The following CABLES1 variants were observed in gnomAD, a reference collection of about 807,000 sequenced individuals.
CABLES1 encodes the protein Cdk5 and Abl enzyme substrate 1, also known as CDK5 and ABL1 enzyme substrate 1.
A neutral mutation model predicts 57.8 loss-of-function variants in CABLES1; 36 were observed. That is an observed-to-expected ratio of 0.62 (90% CI 0.48 to 0.82). The LOEUF (loss-of-function observed/expected upper bound fraction) is 0.82. Ranked by LOEUF, CABLES1 falls within the 40% of genes least tolerant of loss-of-function variation. The pLI is 0.00. For synonymous variants in CABLES1, 374 were observed against 363.0 expected (o/e 1.03, Z -0.35); for missense variants, 767 against 836.6 (o/e 0.92, Z 1.03).
At chr18:23,209,873 C>T (rs1254692138) in intron 3 of CABLES1, among the ~76,000 whole-genome samples, 1 of 152,066 alleles carries the variant, frequency 6.6e-6, no homozygotes, top group East Asian at 1.9e-4. Context: ...TGCTCTGTCA[C>T]CTTGCGGGGG....
Position 23,258,169 on chromosome 18 carries a change from T to A in CABLES1, c.*802T>A, listed in dbSNP as rs1387164931. ...CGTGGAAGGACGTGGAGCGTGGCGC[T>A]CTGTAACTTCCTGCCGTCTGCCACC... is the stretch of plus-strand genomic sequence containing the variant. On this transcript the variant is annotated 3_prime_UTR_variant, in exon 10 of 10. Coordinates refer to ENST00000256925, the MANE Select transcript of CABLES1 (RefSeq NM_001100619.3). The A allele has an allele frequency of 1.3e-5, 2 of 152,416 alleles. No individual in the cohort carries two copies. Among genetic ancestry groups the A allele is most frequent in the Admixed American group, 6.5e-5 (1 of 15,268 alleles). 9.4% of individuals were successfully genotyped at this position (152,416 alleles called of 1,614,324 possible).
In CABLES1 at chr18:23,135,628, G is replaced by A; in HGVS notation, c.-135G>A. 2.8e-6 allele frequency: 2 copies of A among 723,072 alleles called. No homozygotes were observed. Among genetic ancestry groups the A allele is most frequent in the Non-Finnish European group, 3.4e-6 (2 of 591,676 alleles). The allele number at this position is 723,072 out of a possible 1,614,324, so 44.8% of individuals were successfully genotyped here. On this transcript the variant is annotated 5_prime_UTR_variant, in exon 1 of 10. Transcript: ENST00000256925. ...GCGAGCATGGCCCGCCCGCGGGGGGGCTGGACCGCCGCGCACGCCGCCCGA... is the reference window on the plus strand; with the variant it reads ...GCGAGCATGGCCCGCCCGCGGGGGGACTGGACCGCCGCGCACGCCGCCCGA...
chr18:23,238,774 AT>A (rs1230041686), intron 7 of CABLES1, among the ~76,000 whole-genome samples: 1 of 152,214 alleles, frequency 6.6e-6, no homozygotes, highest in Non-Finnish European at 1.5e-5. Flanking sequence ...TTCCTAGTTG[AT>A]AGACAGGAAA....
At chr18:23,247,317 C>T (rs935598641) in intron 7 of CABLES1, among the ~76,000 whole-genome samples, 2 of 152,250 alleles carry the variant, frequency 1.3e-5, no homozygotes, top group Non-Finnish European at 2.9e-5. Context: ...CGAGGACTGT[C>T]ATCCCCTCTG....
rs148929107 is a variant in CABLES1 at position 23,216,050 on chromosome 18, G to A, written c.1088+1996G>A. 4.2e-3 allele frequency among the ~76,000 whole-genome samples: 644 copies of A among 152,244 alleles called. 20 individuals carry two copies. The highest frequency in any genetic ancestry group is 0.036 in the Admixed American group (554 of 15,304). On this transcript the variant is annotated intron_variant, in intron 4 of 9. Transcript: ENST00000256925. ...ATTACAGGCGTGAGCCACCACGCCC[G>A]GCCAACTACAACTTTTAATACATGC...
In CABLES1 at chr18:23,152,609, C is replaced by T. The variant is rs540654081; in HGVS notation, c.845+16002C>T. 1.4e-3 allele frequency among the ~76,000 whole-genome samples: 215 copies of T among 151,728 alleles called. 5 individuals are homozygous for T. The South Asian group carries it at 0.016, about 12-fold the overall frequency. On this transcript the variant is annotated intron_variant, in intron 1 of 9. Coordinates refer to ENST00000256925, the MANE Select transcript of CABLES1 (RefSeq NM_001100619.3). Reference sequence around the variant, plus strand: ...AGGCGATTCTTATGCCTCAGCCTCCCGAGTAGCTGGGATTACAGGCACCTG... The same window carrying T: ...AGGCGATTCTTATGCCTCAGCCTCCTGAGTAGCTGGGATTACAGGCACCTG...
chr18:23,164,413 G>T (rs1278187990), intron 1 of CABLES1, among the ~76,000 whole-genome samples: 3 of 150,910 alleles, frequency 2.0e-5, no homozygotes, highest in Non-Finnish European at 4.4e-5. Context: ...CCAGTGTAGG[G>T]CCACGTATAG....
At chr18:23,208,445 A>T (rs2047380408) in intron 3 of CABLES1, among the ~76,000 whole-genome samples, 1 of 152,238 alleles carries the variant, frequency 6.6e-6, no homozygotes, top group Non-Finnish European at 1.5e-5. Context: ...AAAGGGGTCA[A>T]GTCCCCTTCT....
chr18:23,240,957 C>T (rs189030461), intron 7 of CABLES1, among the ~76,000 whole-genome samples: 8 of 152,330 alleles, frequency 5.3e-5, no homozygotes, highest in East Asian at 1.9e-4. Context: ...TTGAAGTGTG[C>T]ATTTCCATGA....
In CABLES1 at chr18:23,183,658, G is replaced by A. The variant is rs531293174; in HGVS notation, c.846-5180G>A. Among the ~76,000 whole-genome samples, 5 of 152,306 alleles carry A rather than the reference G, an allele frequency of 3.3e-5. No homozygotes were observed. The South Asian group carries it at 8.3e-4, about 25-fold the overall frequency. On this transcript the variant is annotated intron_variant, in intron 1 of 9. Transcript: ENST00000256925. ...GACATACACACTTCCATCTGATGAT[G>A]TCAGTGCATATTACTCTTGCTTTGA... is the stretch of plus-strand genomic sequence containing the variant.
At chr18:23,150,221 T>TTGTTTTTG (rs2046919330) in intron 1 of CABLES1, among the ~76,000 whole-genome samples, 1 of 146,940 alleles carries the variant, frequency 6.8e-6, no homozygotes, top group Admixed American at 6.7e-5. Context: ...TTTTTTTTTT[T>TTGTTTTTG]TTTTTGAGAC....
chr18:23,189,232 G>A (rs752210599), intron 2 of CABLES1: 17 of 294,536 alleles, frequency 5.8e-5, no homozygotes, highest in Non-Finnish European at 8.4e-5. Flanking sequence ...CCCAGGTGCA[G>A]TCACACAGTA....
intron 4 of CABLES1, among the ~76,000 whole-genome samples, chr18:23,233,168 G>A (rs553291207): frequency 2.1e-4 from 32 of 152,282 alleles, no homozygotes; most frequent in African/African-American, 5.8e-4. Context: ...CGCCTGGGGA[G>A]TGTTTAAAAC....
intron 9 of CABLES1, among the ~76,000 whole-genome samples, chr18:23,255,894 T>G (rs35442828): frequency 0.2 from 29,668 of 152,000 alleles, 2,956 homozygotes; most frequent in Middle Eastern, 0.33. Flanking sequence ...TAACAGATAT[T>G]TATAAAATTA....
intron 1 of CABLES1, chr18:23,155,967 G>A: frequency 6.2e-7 from 1 of 1,614,156 alleles, no homozygotes; most frequent in Non-Finnish European, 8.5e-7. Context: ...GTTGTCAGAG[G>A]ATCGCCTGGG....
At chr18:23,151,015 G>GT (rs56227106) in intron 1 of CABLES1, among the ~76,000 whole-genome samples, 121 of 94,792 alleles carry the variant, frequency 1.3e-3, no homozygotes, top group African/African-American at 2.3e-3. Context: ...CCTGGCCTAC[G>GT]TTTTTTTTTT....
chr18:23,254,197 A>T (rs913628484), intron 9 of CABLES1, among the ~76,000 whole-genome samples: 2 of 152,220 alleles, frequency 1.3e-5, no homozygotes, highest in Non-Finnish European at 2.9e-5. Flanking sequence ...TGTGAGATGC[A>T]ATCATTCCCA....
intron 1 of CABLES1, among the ~76,000 whole-genome samples, chr18:23,157,718 A>G (rs1026775587): frequency 1.3e-5 from 2 of 152,252 alleles, no homozygotes; most frequent in South Asian, 4.1e-4. Context: ...AAATCAGCAT[A>G]GTAGCCAGGC....
chr18:23,245,325 T>C (rs2047847641), intron 7 of CABLES1, among the ~76,000 whole-genome samples: 1 of 152,034 alleles, frequency 6.6e-6, no homozygotes, highest in Admixed American at 6.6e-5. Context: ...CTAGCCAACA[T>C]GGCGAAACCC....
Sources: allele counts gnomAD v4.1 joint callset (sites outside exome capture counted in the v4.1 genomes callset), GRCh38; gene constraint gnomAD v4.1.1; transcripts MANE v1.5; gene names NCBI Gene and HGNC (gene_info 2026-07-23, HGNC 2026-07-21).